The following CALR3 variants were observed in gnomAD, a reference collection of about 807,000 sequenced individuals.
CALR3 encodes calreticulin-3.
In CALR3, 39 loss-of-function variants were observed where a neutral mutation model predicts 48.7. That is an observed-to-expected ratio of 0.80 (90% confidence interval 0.62 to 1.05). The LOEUF (loss-of-function observed/expected upper bound fraction) is 1.05, where lower values mean the gene tolerates loss of function less well. CALR3 is among the 50% of genes least tolerant of loss of function. The probability of loss-of-function intolerance (pLI) is 0.00; values close to 1 mark genes in which losing one functional copy is unlikely to be tolerated. For missense variants in CALR3, 449 were observed against 474.7 expected (o/e 0.95, Z 0.50); for synonymous variants, 185 against 172.7 (o/e 1.07, Z -0.56).
At chr19:16,485,816 GC>G (rs1409807085) in intron 3 of CALR3, among the ~76,000 whole-genome samples, 1 of 141,620 alleles carries the variant, frequency 7.1e-6, no homozygotes, top group Non-Finnish European at 1.5e-5. Flanking sequence ...GTACCACCAG[GC>G]CCAGCTAATT....
At chr19:16,495,276 G>A (rs533702942) in intron 2 of CALR3, among the ~76,000 whole-genome samples, 1 of 150,096 alleles carries the variant, frequency 6.7e-6, no homozygotes, top group African/African-American at 2.5e-5. Flanking sequence ...AAAGAAAGGA[G>A]AGAGGAGGCT....
intron 7 of CALR3, 36 bp downstream of exon 7, chr19:16,482,414 C>A (rs753829108): frequency 2.5e-6 from 4 of 1,613,210 alleles, no homozygotes; most frequent in Non-Finnish European, 3.4e-6. Context: ...AACACACACA[C>A]GCAAAAAATC....
rs778754506 is a variant in CALR3 at position 16,479,124 on chromosome 19, G to T, written c.*7C>A. The T allele has an allele frequency of 8.1e-6, 13 of 1,613,912 alleles. No homozygotes were observed. In the South Asian group the frequency reaches 1.3e-4, roughly 16 times the overall value. On this transcript the variant is annotated 3_prime_UTR_variant, in exon 9 of 9. Transcript: ENST00000269881. ...TTACCAGTCATCCTTATATCCAATG[G>T]GGATCACTAAAGTTCATTCCTTCTG...
chr19:16,483,650 G>A (rs537780661), intron 5 of CALR3: 17 of 343,390 alleles, frequency 5.0e-5, no homozygotes, highest in East Asian at 2.6e-4. Flanking sequence ...CCTGGGAGGC[G>A]GAGGTTGCCG....
intron 2 of CALR3, among the ~76,000 whole-genome samples, chr19:16,491,381 CAA>C (rs1317086949): frequency 1.3e-5 from 2 of 151,728 alleles, no homozygotes; most frequent in Non-Finnish European, 1.5e-5. Flanking sequence ...CTCGGCCTCC[CAA>C]AGTGCTGGGA....
chr19:16,490,685 G>A (rs2093396547), intron 2 of CALR3, 115 bp from the exon 3 acceptor site: 1 of 886,514 alleles, frequency 1.1e-6, no homozygotes, highest in Non-Finnish European at 1.9e-6. Flanking sequence ...ACCATTTACA[G>A]TGATCTACAG....
rs761162376 is a variant in CALR3, at chr19:16,485,200, T to C, written c.455A>G (p.Asn152Ser). The stretch of plus-strand genomic sequence containing the variant: ...CAGTTTCTTGTTTTCGTGATACTTA[T>C]TCTTGAAATGTAAAATAACATGAAC... ...KKVHVILHFK[N>S]KYHENKKLIR... The change falls in exon 4 of 9, where the codon AAT (asparagine) becomes AGT (serine). Residue 152 changes from asparagine (N) to serine (S), a missense_variant. Physicochemically the swap from Asn to Ser is conservative, Grantham distance 46 (BLOSUM62 1). Coordinates refer to ENST00000269881, the MANE Select transcript of CALR3 (RefSeq NM_145046.5). The C allele has an allele frequency of 6.2e-7, 1 of 1,610,764 alleles. No individual in the cohort carries two copies. The highest frequency in any genetic ancestry group is 8.5e-7 in the Non-Finnish European group (1 of 1,177,062).
chr19:16,487,282 C>T (rs924074433), intron 3 of CALR3, among the ~76,000 whole-genome samples: 4 of 151,944 alleles, frequency 2.6e-5, no homozygotes, highest in Admixed American at 6.6e-5. Context: ...AGGTCGAGAC[C>T]AGCCTGTCCA....
chr19:16,483,952 TGTTCCCAATCC>T lies in CALR3; in HGVS notation c.645_655del (p.Trp217Ter), dbSNP rs1464864695. On this transcript the variant is annotated frameshift_variant, in exon 5 of 9. Coordinates refer to ENST00000269881, the MANE Select transcript of CALR3 (RefSeq NM_145046.5). LOFTEE classifies it high-confidence loss of function. ...CACCTGGGCTTTGTTGTCTTTAGTC[TGTTCCCAATCC>T]TTCGATTCTGCCGGGGACGTTTCCT... The T allele has an allele frequency of 6.2e-7, 1 of 1,614,126 alleles. No homozygotes were observed. Among genetic ancestry groups the T allele is most frequent in the South Asian group, 1.1e-5 (1 of 91,084 alleles).
intron 3 of CALR3, among the ~76,000 whole-genome samples, chr19:16,489,301 G>A (rs1232423269): frequency 2.0e-5 from 3 of 151,958 alleles, no homozygotes; most frequent in Admixed American, 6.6e-5. Flanking sequence ...CCAGGAGTTC[G>A]AGACCAGCCT....
At position 16,490,575 on chromosome 19, in the gene CALR3, G is replaced by A; in HGVS notation, c.194-5C>T. The A allele has an allele frequency of 6.2e-7, 1 of 1,613,232 alleles. No individual in the cohort carries two copies. Among genetic ancestry groups the A allele is most frequent in the Non-Finnish European group, 8.5e-7 (1 of 1,179,260 alleles). On this transcript the variant is annotated splice_polypyrimidine_tract_variant and splice_region_variant and intron_variant, in intron 2 of 8. Transcript: ENST00000269881. ...CATTCTGAGTGGTTTGCAGACCTTT[G>A]AACAAAATATACTCATGAAGGATCA... is the stretch of plus-strand genomic sequence containing the variant.
At chr19:16,491,305 G>A (rs1299014631) in intron 2 of CALR3, among the ~76,000 whole-genome samples, 1 of 150,284 alleles carries the variant, frequency 6.7e-6, no homozygotes, top group Non-Finnish European at 1.5e-5. Flanking sequence ...TGTATTTTTA[G>A]TAGAGACAGG....
chr19:16,495,627 CT>C, intron 2 of CALR3, 123 bp downstream of exon 2: 1 of 731,966 alleles, frequency 1.4e-6, no homozygotes, highest in Non-Finnish European at 2.4e-6. Flanking sequence ...TAAGTTCTAC[CT>C]TTGCCTTAAT....
chr19:16,481,190 T>C (rs1370810395), intron 7 of CALR3, among the ~76,000 whole-genome samples: 1 of 151,576 alleles, frequency 6.6e-6, no homozygotes, highest in Admixed American at 6.6e-5. Flanking sequence ...CATGTGATGG[T>C]CCCACTTCAG....
intron 2 of CALR3, among the ~76,000 whole-genome samples, chr19:16,490,850 C>G (rs2093396819): frequency 6.6e-6 from 1 of 150,392 alleles, no homozygotes; most frequent in Admixed American, 6.7e-5. Context: ...CTCCACCTCC[C>G]GGGTTCAAGT....
chr19:16,487,435 G>A (rs1459505780), intron 3 of CALR3, among the ~76,000 whole-genome samples: 8 of 144,292 alleles, frequency 5.5e-5, no homozygotes, highest in Non-Finnish European at 9.0e-5. Flanking sequence ...AGCCGGGATC[G>A]TGCCGTTGCA....
At chr19:16,482,969 C>T (rs10405116) in intron 5 of CALR3, among the ~76,000 whole-genome samples, 184 bp from the exon 6 acceptor site, 1 of 151,766 alleles carries the variant, frequency 6.6e-6, no homozygotes, top group Non-Finnish European at 1.5e-5. Flanking sequence ...CTCAGCCTCC[C>T]AAGTAGCTCG....
chr19:16,483,611 G>A (rs1014850188), intron 5 of CALR3, among the ~76,000 whole-genome samples: 9 of 150,338 alleles, frequency 6.0e-5, no homozygotes, highest in Non-Finnish European at 1.2e-4. Flanking sequence ...CCAGGTATTC[G>A]GGAGGCTGAG....
Position 16,482,503 on chromosome 19 carries a change from A to G in CALR3, c.865T>C (p.Tyr289His), listed in dbSNP as rs1370293522. Reference protein sequence around the residue: ...KMKNTDYLTQYDLSEFENIGA... With the variant: ...KMKNTDYLTQHDLSEFENIGA... Reference sequence around the variant, plus strand: ...ATGTTCTCAAATTCTGAGAGGTCATACTGCGTCAAATAGTCGGTATTCTTC... The same window carrying G: ...ATGTTCTCAAATTCTGAGAGGTCATGCTGCGTCAAATAGTCGGTATTCTTC... The change falls in exon 7 of 9, where the codon TAT becomes CAT. Residue 289 changes from tyrosine (Y) to histidine (H), a missense_variant. Physicochemically the swap from Tyr to His is moderately conservative, Grantham distance 83 (BLOSUM62 2). Coordinates refer to ENST00000269881, the MANE Select transcript of CALR3 (RefSeq NM_145046.5). 6.2e-7 allele frequency: 1 copy of G among 1,614,260 alleles called. No individual in the cohort carries two copies. Among genetic ancestry groups the G allele is most frequent in the South Asian group, 1.1e-5 (1 of 91,092 alleles).
Sources: gnomAD v4.1 joint callset for allele counts (sites outside exome capture counted in the v4.1 genomes callset) on GRCh38, gnomAD v4.1.1 for gene constraint, MANE v1.5 for transcripts, NCBI Gene and HGNC (gene_info 2026-07-23, HGNC 2026-07-21) for gene names.